Variants in LTBP1 observed in about 807,000 individuals in gnomAD.
The protein encoded by LTBP1 is latent-transforming growth factor beta-binding protein 1.
Under a neutral mutation model 207.6 loss-of-function variants are expected in LTBP1, and 129 were observed. That is an observed-to-expected ratio of 0.62 (90% CI 0.54 to 0.72). The LOEUF is 0.72. LTBP1 is among the 30% of genes least tolerant of loss of function. The probability of loss-of-function intolerance (pLI) is 0.00; values close to 1 mark genes in which losing one functional copy is unlikely to be tolerated. For missense variants in LTBP1, 2,281 were observed against 2,217.2 expected, an observed-to-expected ratio of 1.03 and a Z score of -0.58; for synonymous variants, 963 against 833.7, an observed-to-expected ratio of 1.16 and a Z score of -2.67.
At chr2:33,051,512 G>GC (rs1269991957) in intron 3 of LTBP1, among the ~76,000 whole-genome samples, 1 of 152,176 alleles carries the variant, frequency 6.6e-6, no homozygotes, top group Non-Finnish European at 1.5e-5. Context: ...CAGTTAGGCA[G>GC]CCCCCTTCAT....
In LTBP1 at chr2:33,002,187, C is replaced by A. The variant is rs1271904671; in HGVS notation, c.566-18722C>A. On this transcript the variant is annotated intron_variant, in intron 2 of 33. Coordinates refer to ENST00000404816, the MANE Select transcript of LTBP1 (RefSeq NM_206943.4). ...AAATAGCCTTTGAGTTTTTTAACCT[C>A]TGTAATGGTTCAGCTCTGTGGTGGA... Among the ~76,000 whole-genome samples, 2 of 79,416 alleles carry A rather than the reference C, an allele frequency of 2.5e-5. 1 individual carries two copies. The highest frequency in any genetic ancestry group is 3.6e-3 in the East Asian group (2 of 554). 52.1% of individuals were successfully genotyped at this position (79,416 alleles called of 152,430 possible). A position where few individuals can be genotyped will look rare whatever the true frequency, so the allele number is the denominator to read the frequency against.
At chr2:33,189,414 T>C (rs1217867315) in intron 7 of LTBP1, among the ~76,000 whole-genome samples, 3 of 152,202 alleles carry the variant, frequency 2.0e-5, no homozygotes, top group African/African-American at 7.2e-5. Context: ...CAGGTTGGTC[T>C]CAAACTCCTG....
At chr2:33,154,848 A>C (rs1188871114) in intron 5 of LTBP1, among the ~76,000 whole-genome samples, 1 of 152,140 alleles carries the variant, frequency 6.6e-6, no homozygotes. Flanking sequence ...GGATAGCTTG[A>C]CGTCAAGAGT....
rs776884814 is a variant in LTBP1, at chr2:33,001,035, C to T, written c.566-19874C>T. ...CTTTTGAGCCACAGTTCAGGACAGC[C>T]TCTCGCCCTTGTGACCACCTGTCCT... On this transcript the variant is annotated intron_variant, in intron 2 of 33. Coordinates refer to ENST00000404816, the MANE Select transcript of LTBP1 (RefSeq NM_206943.4). Among the ~76,000 whole-genome samples the T allele has an allele frequency of 6.7e-5, 9 of 134,842 alleles. 2 individuals carry two copies. Among genetic ancestry groups the T allele is most frequent in the Non-Finnish European group, 1.5e-4 (9 of 61,304 alleles). 88.5% of individuals were successfully genotyped at this position (134,842 alleles called of 152,430 possible). A position where few individuals can be genotyped will look rare whatever the true frequency, so the allele number is the denominator to read the frequency against.
chr2:33,028,100 G>A (rs2075517344), intron 3 of LTBP1, among the ~76,000 whole-genome samples: 1 of 152,160 alleles, frequency 6.6e-6, no homozygotes, highest in Admixed American at 6.5e-5. Flanking sequence ...GAGTTCGGAA[G>A]AAGAGTAGAC....
At position 33,397,551 on chromosome 2, in the gene LTBP1, A is replaced by G. The variant is rs1408819769; in HGVS notation, c.4984+269A>G. ...AGATGGAGTTTTACTCTTGTCGCCC[A>G]GGCTGGAGTGCAGTGGGGTGATCTT... On this transcript the variant is annotated intron_variant, in intron 33 of 33. Transcript: ENST00000404816. Among the ~76,000 whole-genome samples the G allele has an allele frequency of 3.4e-5, 4 of 119,124 alleles. No individual in the cohort carries two copies. In the Admixed American group the frequency reaches 3.4e-4, roughly 10 times the overall value. The allele number at this position is 119,124 out of a possible 152,430, so 78.1% of individuals were successfully genotyped here. A position where few individuals can be genotyped will look rare whatever the true frequency, so the allele number is the denominator to read the frequency against.
chr2:33,246,683 A>G lies in LTBP1; in HGVS notation c.1999+2899A>G, dbSNP rs1200892047. ...ACTCTCTGAACTCCTGCACATGGTT[A>G]TGGCCAAGGAACAACGGGAAGCACT... On this transcript the variant is annotated intron_variant, in intron 10 of 33. Coordinates refer to ENST00000404816, the MANE Select transcript of LTBP1 (RefSeq NM_206943.4). Among the ~76,000 whole-genome samples the G allele has an allele frequency of 2.0e-5, 3 of 152,076 alleles. 1 individual carries two copies. The highest frequency in any genetic ancestry group is 4.2e-4 in the South Asian group (2 of 4,818).
chr2:33,239,846 G>A (rs1228939761), intron 9 of LTBP1, among the ~76,000 whole-genome samples: 1 of 151,884 alleles, frequency 6.6e-6, no homozygotes, highest in Non-Finnish European at 1.5e-5. Flanking sequence ...GAAGGTTGCA[G>A]CGACCTGAGA....
chr2:33,055,972 G>C (rs2076975890), intron 3 of LTBP1, among the ~76,000 whole-genome samples: 1 of 152,182 alleles, frequency 6.6e-6, no homozygotes, highest in Non-Finnish European at 1.5e-5. Context: ...TAAGCTGAGA[G>C]GTCCTCCTGT....
chr2:33,175,482 A>G (rs550287902), intron 5 of LTBP1, among the ~76,000 whole-genome samples: 6 of 152,276 alleles, frequency 3.9e-5, no homozygotes, highest in African/African-American at 1.4e-4. Flanking sequence ...TAGAATGGCA[A>G]TCATTAAAAA....
chr2:33,263,976 C>G (rs1292222967), intron 15 of LTBP1, among the ~76,000 whole-genome samples: 1 of 140,464 alleles, frequency 7.1e-6, no homozygotes, highest in East Asian at 2.1e-4. Flanking sequence ...AAAAAAAGGA[C>G]TGGGTGCGGT....
intron 11 of LTBP1, among the ~76,000 whole-genome samples, chr2:33,253,976 G>A (rs1044093558): frequency 2.2e-5 from 3 of 136,808 alleles, no homozygotes; most frequent in South Asian, 2.5e-4. Context: ...TGCAAGCTCC[G>A]CCTCCCAGGT....
intron 3 of LTBP1, among the ~76,000 whole-genome samples, chr2:33,027,795 C>G (rs1161059977): frequency 6.6e-6 from 1 of 152,160 alleles, no homozygotes. Context: ...TGAGATCGCA[C>G]CACTGCACTC....
chr2:33,244,980 A>G (rs538874661), intron 10 of LTBP1, among the ~76,000 whole-genome samples: 16 of 152,118 alleles, frequency 1.1e-4, no homozygotes, highest in Admixed American at 4.6e-4. Context: ...CCGGGTTCCA[A>G]TGATTCTCCT....
chr2:32,989,349 C>T (rs1352482324), intron 2 of LTBP1, among the ~76,000 whole-genome samples: 1 of 152,150 alleles, frequency 6.6e-6, no homozygotes, highest in Non-Finnish European at 1.5e-5. Flanking sequence ...TCCAAAGATA[C>T]AATTAATTTC....
chr2:33,188,285 G>A (rs2087429725), intron 6 of LTBP1, among the ~76,000 whole-genome samples: 2 of 151,980 alleles, frequency 1.3e-5, no homozygotes, highest in African/African-American at 2.4e-5. Context: ...GCCAGGCATG[G>A]TGGTGGGCAC....
intron 5 of LTBP1, among the ~76,000 whole-genome samples, chr2:33,181,049 T>C (rs1437177912): frequency 1.3e-5 from 2 of 152,156 alleles, no homozygotes; most frequent in African/African-American, 4.8e-5. Context: ...GGAGGTTTGT[T>C]TTCCCTGCTC....
At chr2:33,155,344 A>G (rs2083888489) in intron 5 of LTBP1, among the ~76,000 whole-genome samples, 1 of 152,192 alleles carries the variant, frequency 6.6e-6, no homozygotes, top group Non-Finnish European at 1.5e-5. Context: ...CTAGGATTAC[A>G]GGCGTGAGCC....
intron 2 of LTBP1, among the ~76,000 whole-genome samples, chr2:33,011,987 A>G (rs779732755): frequency 1.3e-5 from 2 of 150,826 alleles, no homozygotes; most frequent in African/African-American, 2.4e-5. Flanking sequence ...GTCTTTCCTA[A>G]CTCCCTGACC....
Sources: allele counts gnomAD v4.1 joint callset (sites outside exome capture counted in the v4.1 genomes callset), GRCh38; gene constraint gnomAD v4.1.1; transcripts MANE v1.5; gene names NCBI Gene and HGNC (gene_info 2026-07-23, HGNC 2026-07-21).